BTBD9: variants seen among roughly 807,000 people sequenced by gnomAD.
BTBD9 encodes the protein BTB domain containing 9.
BTBD9 carries 49 observed loss-of-function variants against 64.3 expected under a neutral mutation model. The ratio of observed to expected loss-of-function variants is 0.76; its 90% confidence interval spans 0.61 to 0.97. The LOEUF (loss-of-function observed/expected upper bound fraction) is 0.97. BTBD9 is among the 50% of genes least tolerant of loss of function. The pLI, the probability that BTBD9 is intolerant of heterozygous loss-of-function variation, is 0.00. For missense variants in BTBD9, 598 were observed against 762.1 expected (o/e 0.78, Z 2.53); for synonymous variants, 260 against 274.7 (o/e 0.95, Z 0.53).
chr6:38,236,309 C>T (rs1763775924), intron 9 of BTBD9, among the ~76,000 whole-genome samples: 1 of 152,192 alleles, frequency 6.6e-6, no homozygotes, highest in Non-Finnish European at 1.5e-5. Context: ...CCATTTCCCA[C>T]TTTACTTTTC....
At chr6:38,353,447 G>T (rs181953531) in intron 6 of BTBD9, among the ~76,000 whole-genome samples, 1 of 152,088 alleles carries the variant, frequency 6.6e-6, no homozygotes, top group Non-Finnish European at 1.5e-5. Flanking sequence ...GATAGAGAAA[G>T]AGAGGAGCAA....
chr6:38,212,819 T>A (rs1762879650), intron 9 of BTBD9, among the ~76,000 whole-genome samples: 1 of 152,158 alleles, frequency 6.6e-6, no homozygotes, highest in Non-Finnish European at 1.5e-5. Context: ...CTCCTCCTCC[T>A]GGCTCCGTGT....
intron 9 of BTBD9, among the ~76,000 whole-genome samples, chr6:38,237,707 T>G (rs1218308991): frequency 1.3e-5 from 2 of 152,120 alleles, no homozygotes; most frequent in Non-Finnish European, 2.9e-5. Flanking sequence ...TCTTAATTCC[T>G]TACAAAAAAG....
At chr6:38,497,509 C>T (rs1362232583) in intron 6 of BTBD9, among the ~76,000 whole-genome samples, 1 of 152,054 alleles carries the variant, frequency 6.6e-6, no homozygotes, top group African/African-American at 2.4e-5. Context: ...GTTTCCCGGA[C>T]CCTACACATG....
chr6:38,209,811 G>T (rs1208102520), intron 9 of BTBD9, among the ~76,000 whole-genome samples: 1 of 152,218 alleles, frequency 6.6e-6, no homozygotes, highest in Non-Finnish European at 1.5e-5. Flanking sequence ...GATCTAGGTA[G>T]GTGAGCATTT....
intron 9 of BTBD9, among the ~76,000 whole-genome samples, chr6:38,207,610 G>C (rs911947668): frequency 6.6e-6 from 1 of 151,906 alleles, no homozygotes; most frequent in Non-Finnish European, 1.5e-5. Flanking sequence ...GCGACAGAGC[G>C]AGCCCTGTCT....
chr6:38,584,070 TA>T (rs1236541849), intron 4 of BTBD9, among the ~76,000 whole-genome samples: 4 of 152,162 alleles, frequency 2.6e-5, no homozygotes, highest in Non-Finnish European at 5.9e-5. Flanking sequence ...CTCATGCCTG[TA>T]AACTCAGCAC....
intron 7 of BTBD9, among the ~76,000 whole-genome samples, chr6:38,310,286 T>G (rs1762779971): frequency 6.6e-6 from 1 of 152,118 alleles, no homozygotes; most frequent in African/African-American, 2.4e-5. Flanking sequence ...GTGGGTAAAT[T>G]GGGCAAATCC....
chr6:38,294,497 T>C (rs918209915), intron 7 of BTBD9, among the ~76,000 whole-genome samples: 1 of 152,180 alleles, frequency 6.6e-6, no homozygotes, highest in Non-Finnish European at 1.5e-5. Context: ...TTCATGTCCT[T>C]TGCAGGGACA....
chr6:38,595,962 T>A (rs1777015992), intron 2 of BTBD9: 1 of 985,286 alleles, frequency 1.0e-6, no homozygotes, highest in Non-Finnish European at 1.2e-6. Context: ...GTGGTTTTGA[T>A]GAGGCTCCCT....
chr6:38,309,720 A>AT (rs533455516), intron 7 of BTBD9, among the ~76,000 whole-genome samples: 7 of 150,878 alleles, frequency 4.6e-5, no homozygotes, highest in African/African-American at 1.2e-4. Context: ...CTATTTAATA[A>AT]TTTTTTTTAA....
At chr6:38,220,886 A>G (rs1411070965) in intron 9 of BTBD9, among the ~76,000 whole-genome samples, 1 of 152,214 alleles carries the variant, frequency 6.6e-6, no homozygotes, top group Non-Finnish European at 1.5e-5. Context: ...ATGTGAGTCT[A>G]GGCTTGGGGA....
rs1219909804 is a variant in BTBD9, at chr6:38,256,423, A to G, written c.1548T>C (p.Thr516=). The G allele has an allele frequency of 1.2e-6, 2 of 1,612,592 alleles. No homozygotes were observed. Among genetic ancestry groups the G allele is most frequent in the African/African-American group, 2.7e-5 (2 of 74,908 alleles). Residue 516 remains threonine (T), a synonymous_variant, in exon 9 of 11, where the codon ACT becomes ACC. Coordinates refer to ENST00000481247, the MANE Select transcript of BTBD9 (RefSeq NM_001099272.2). ...QQQWTMVADR[T]KVSCKSWQSV... Reference sequence around the variant, plus strand: ...ACACAACTTACTTGCAGGAGACTTTAGTTCTGTCAGCAACCATGGTCCACT... The same window carrying G: ...ACACAACTTACTTGCAGGAGACTTTGGTTCTGTCAGCAACCATGGTCCACT...
chr6:38,436,923 T>A lies in BTBD9; in HGVS notation c.1155-91830A>T, dbSNP rs79067300. 1.8e-3 allele frequency among the ~76,000 whole-genome samples: 281 copies of A among 152,280 alleles called. 1 individual carries two copies. The highest frequency in any genetic ancestry group is 6.3e-3 in the African/African-American group (262 of 41,560). On this transcript the variant is annotated intron_variant, in intron 6 of 10. Transcript: ENST00000481247. ...TCTACAACGATGATGATAGTTGTAG[T>A]CATAGGAATATGTATATGTGTACCA...
intron 6 of BTBD9, among the ~76,000 whole-genome samples, chr6:38,500,076 C>T (rs1772127026): frequency 1.3e-5 from 2 of 152,170 alleles, no homozygotes; most frequent in Non-Finnish European, 2.9e-5. Flanking sequence ...ACACACCATG[C>T]ATACTTTCCA....
At chr6:38,587,088 T>C (rs1776568258) in intron 4 of BTBD9, among the ~76,000 whole-genome samples, 1 of 151,808 alleles carries the variant, frequency 6.6e-6, no homozygotes, top group Non-Finnish European at 1.5e-5. Context: ...GGATAAAATT[T>C]ACTTAGAAAA....
intron 7 of BTBD9, among the ~76,000 whole-genome samples, chr6:38,327,124 A>T (rs1263448511): frequency 1.3e-5 from 2 of 152,178 alleles, no homozygotes; most frequent in Non-Finnish European, 2.9e-5. Flanking sequence ...ACCACAGGTA[A>T]TGTTGTGATT....
intron 2 of BTBD9, among the ~76,000 whole-genome samples, chr6:38,596,800 CA>C (rs751074318): frequency 0.031 from 1,895 of 61,682 alleles, 12 homozygotes; most frequent in South Asian, 0.11. Context: ...GACTCCGTCT[CA>C]AAAAAAAAAA....
At chr6:38,619,700 G>A (rs1348513152) in intron 1 of BTBD9, among the ~76,000 whole-genome samples, 2 of 152,170 alleles carry the variant, frequency 1.3e-5, no homozygotes, top group Non-Finnish European at 1.5e-5. Flanking sequence ...CTGTCTCCTG[G>A]ACACTGGCAC....
Sources: allele counts gnomAD v4.1 joint callset (sites outside exome capture counted in the v4.1 genomes callset), GRCh38; gene constraint gnomAD v4.1.1; transcripts MANE v1.5; gene names NCBI Gene and HGNC (gene_info 2026-07-23, HGNC 2026-07-21).